SORCS3: variants seen among roughly 807,000 people sequenced by gnomAD.
SORCS3 encodes the protein VPS10 domain-containing receptor SorCS3.
In SORCS3, 57 loss-of-function variants were observed where a neutral mutation model predicts 146.3. The observed-to-expected ratio is 0.39, with a 90% CI of 0.31 to 0.49. The LOEUF is 0.49. SORCS3 is among the 20% of genes least tolerant of loss of function. SORCS3 has a pLI of 0.92. For synonymous variants in SORCS3, 653 were observed against 618.5 expected (o/e 1.06, Z -0.83); for missense variants, 1,341 against 1,575.5 (o/e 0.85, Z 2.52).
chr10:104,711,588 C>G (rs573694595), intron 1 of SORCS3, among the ~76,000 whole-genome samples: 1 of 152,360 alleles, frequency 6.6e-6, no homozygotes, highest in South Asian at 2.1e-4. Context: ...GCCACACTCA[C>G]TTTCTGGGAG....
chr10:105,207,754 T>G (rs1241253917), intron 16 of SORCS3, among the ~76,000 whole-genome samples: 2 of 152,232 alleles, frequency 1.3e-5, no homozygotes, highest in African/African-American at 4.8e-5. Context: ...ATTCTTTTAC[T>G]CTTTGGGGCA....
At chr10:105,217,226 A>T in intron 19 of SORCS3, 104 bp downstream of exon 19, 1 of 1,120,684 alleles carries the variant, frequency 8.9e-7, no homozygotes, top group Non-Finnish European at 1.3e-6. Context: ...CAGTGTGACT[A>T]CTACAATTAC....
At chr10:104,745,784 A>G (rs1482739644) in intron 1 of SORCS3, among the ~76,000 whole-genome samples, 1 of 152,064 alleles carries the variant, frequency 6.6e-6, no homozygotes, top group Non-Finnish European at 1.5e-5. Flanking sequence ...CTCTGCTTTT[A>G]TAAGTTTGAC....
At chr10:104,770,594 C>A (rs1348135645) in intron 1 of SORCS3, among the ~76,000 whole-genome samples, 3 of 152,024 alleles carry the variant, frequency 2.0e-5, no homozygotes, top group African/African-American at 4.8e-5. Context: ...CCATAGTGGG[C>A]AGATTGCTTG....
At chr10:105,072,890 C>T (rs569701787) in intron 5 of SORCS3, among the ~76,000 whole-genome samples, 30 of 152,264 alleles carry the variant, frequency 2.0e-4, no homozygotes, top group African/African-American at 6.5e-4. Context: ...GTAGTGAGTA[C>T]TCCTAAGCCT....
At chr10:104,922,287 A>G (rs1010419088) in intron 3 of SORCS3, among the ~76,000 whole-genome samples, 5 of 152,354 alleles carry the variant, frequency 3.3e-5, no homozygotes, top group Admixed American at 3.3e-4. Flanking sequence ...AAGGCCAAAA[A>G]GGTGGAAAGG....
intron 1 of SORCS3, among the ~76,000 whole-genome samples, chr10:104,652,982 A>C (rs917367395): frequency 6.6e-6 from 1 of 152,238 alleles, no homozygotes; most frequent in African/African-American, 2.4e-5. Context: ...GAGCATGCTT[A>C]GGAAATAACT....
At chr10:104,686,284 GGGT>G (rs2016042354) in intron 1 of SORCS3, among the ~76,000 whole-genome samples, 1 of 152,078 alleles carries the variant, frequency 6.6e-6, no homozygotes, top group Non-Finnish European at 1.5e-5. Flanking sequence ...GGTTTTGGGA[GGGT>G]GGTAATTTTT....
At position 104,762,609 on chromosome 10, in the gene SORCS3, C is replaced by T. The variant is rs567870441; in HGVS notation, c.628-80183C>T. Among the ~76,000 whole-genome samples, 3 of 152,216 alleles carry T rather than the reference C, an allele frequency of 2.0e-5. No individual in the cohort carries two copies. In the South Asian group the frequency reaches 6.2e-4, roughly 32 times the overall value. On this transcript the variant is annotated intron_variant, in intron 1 of 26. Coordinates refer to ENST00000369701, the MANE Select transcript of SORCS3 (RefSeq NM_014978.3). ...ATCTCAAATTGTAATCCTAATGTGT[C>T]GAGGGAAGGACCTGATGGGAGGTGA...
At chr10:104,826,885 A>G (rs761928980) in intron 1 of SORCS3, among the ~76,000 whole-genome samples, 1 of 152,226 alleles carries the variant, frequency 6.6e-6, no homozygotes, top group African/African-American at 2.4e-5. Flanking sequence ...AGTTTATGGA[A>G]TAGTCTAAAT....
At chr10:105,010,158 G>A (rs1271118674) in intron 4 of SORCS3, among the ~76,000 whole-genome samples, 1 of 152,178 alleles carries the variant, frequency 6.6e-6, no homozygotes, top group Non-Finnish European at 1.5e-5. Flanking sequence ...TATGCTGTGA[G>A]TCTCAGTTGA....
rs181915486 is a variant in SORCS3, at chr10:104,721,603, C to T, written c.627+79649C>T. On this transcript the variant is annotated intron_variant, in intron 1 of 26. Transcript: ENST00000369701. The stretch of plus-strand genomic sequence containing the variant: ...TTTTCACGATATTGATTCTTCCTAC[C>T]CATGAGCATGGAATGTTCTTCCATT... 2.6e-4 allele frequency among the ~76,000 whole-genome samples: 40 copies of T among 152,190 alleles called. No homozygotes were observed. The East Asian group carries it at 5.8e-3, about 22-fold the overall frequency.
In SORCS3 at chr10:105,259,164, A is replaced by G. The variant is rs558870904; in HGVS notation, c.3443+2240A>G. Among the ~76,000 whole-genome samples, 6 of 152,324 alleles carry G rather than the reference A, an allele frequency of 3.9e-5. No individual in the cohort carries two copies. The East Asian group carries it at 7.7e-4, about 20-fold the overall frequency. On this transcript the variant is annotated intron_variant, in intron 25 of 26. Transcript: ENST00000369701. ...GCAATGTTTAAAATGCTCTATCATC[A>G]GTACTGTTTAATACAGTAGCCAGTA...
chr10:105,069,415 A>G (rs1241972870), intron 5 of SORCS3, among the ~76,000 whole-genome samples: 2 of 152,112 alleles, frequency 1.3e-5, no homozygotes, highest in Non-Finnish European at 2.9e-5. Context: ...AAGCTCTAAT[A>G]TTTGGGTCAG....
chr10:104,813,061 C>T (rs192303628), intron 1 of SORCS3, among the ~76,000 whole-genome samples: 42 of 152,304 alleles, frequency 2.8e-4, no homozygotes, highest in Admixed American at 1.4e-3. Flanking sequence ...CCTACTGGGC[C>T]CTGGCCTGCT....
intron 1 of SORCS3, among the ~76,000 whole-genome samples, chr10:104,705,263 A>G (rs1396146785): frequency 1.5e-5 from 2 of 130,612 alleles, no homozygotes; most frequent in Non-Finnish European, 3.2e-5. Context: ...TGCTGATTAG[A>G]GTTCCGGATT....
At chr10:104,863,075 G>A (rs541282896) in intron 2 of SORCS3, among the ~76,000 whole-genome samples, 65 of 152,254 alleles carry the variant, frequency 4.3e-4, no homozygotes, top group African/African-American at 1.5e-3. Context: ...TTTGCAGAGC[G>A]GGAAGCTGAG....
intron 5 of SORCS3, among the ~76,000 whole-genome samples, chr10:105,072,801 G>A (rs2055566031): frequency 6.6e-6 from 1 of 151,880 alleles, no homozygotes. Context: ...AGGCAAAATG[G>A]GGTTGAGGAT....
rs2056983768 is a variant in SORCS3, at chr10:105,265,070, G to A, written c.*1696G>A. On this transcript the variant is annotated 3_prime_UTR_variant, in exon 27 of 27. Transcript: ENST00000369701. ...CAAGGGTTAAATGGGGCAGACAATT[G>A]CAATACTTGTACTAAACACTGGAAT... is the stretch of plus-strand genomic sequence containing the variant. The A allele has an allele frequency of 6.6e-6, 1 of 152,338 alleles. No homozygotes were observed. The highest frequency in any genetic ancestry group is 1.5e-5 in the Non-Finnish European group (1 of 67,978). 9.4% of individuals were successfully genotyped at this position (152,338 alleles called of 1,614,324 possible).
Sources: allele counts gnomAD v4.1 joint callset (sites outside exome capture counted in the v4.1 genomes callset), GRCh38; gene constraint gnomAD v4.1.1; transcripts MANE v1.5; gene names NCBI Gene and HGNC (gene_info 2026-07-23, HGNC 2026-07-21).